Variants in EDIL3 observed in about 807,000 individuals in gnomAD.
EDIL3 encodes EGF like and discoidin domains 3.
A neutral mutation model predicts 67.4 loss-of-function variants in EDIL3; 37 were observed. The observed-to-expected ratio is 0.55, with a 90% CI of 0.42 to 0.72. The LOEUF (loss-of-function observed/expected upper bound fraction) is 0.72, where lower values mean the gene tolerates loss of function less well. EDIL3 is among the 30% of genes least tolerant of loss of function. The probability of loss-of-function intolerance (pLI) is 0.00; values close to 1 mark genes in which losing one functional copy is unlikely to be tolerated. For missense variants in EDIL3, 527 were observed against 586.3 expected (o/e 0.90, Z 1.04); for synonymous variants, 195 against 196.3 (o/e 0.99, Z 0.05).
chr5:84,274,742 TA>T lies in EDIL3; in HGVS notation c.68-20531del, dbSNP rs1745539133. 7.4e-5 allele frequency among the ~76,000 whole-genome samples: 11 copies of T among 149,438 alleles called. No homozygotes were observed. The South Asian group carries it at 2.3e-3, about 32-fold the overall frequency. On this transcript the variant is annotated intron_variant, in intron 1 of 10. Coordinates refer to ENST00000296591, the MANE Select transcript of EDIL3 (RefSeq NM_005711.5). ...CCAAAAACAGTGATAACTACACACA[TA>T]CACACACACACAGACACACACAGAC...
chr5:84,237,504 A>T (rs1035520343), intron 2 of EDIL3, among the ~76,000 whole-genome samples: 3 of 152,142 alleles, frequency 2.0e-5, no homozygotes, highest in African/African-American at 7.2e-5. Flanking sequence ...AGAATTTTGA[A>T]GTAAATGGAT....
At chr5:84,102,538 C>A (rs899582369) in intron 6 of EDIL3, among the ~76,000 whole-genome samples, 12 of 151,722 alleles carry the variant, frequency 7.9e-5, no homozygotes, top group Non-Finnish European at 1.2e-4. Flanking sequence ...AAATTACTGG[C>A]ATTCCTATAT....
intron 6 of EDIL3, among the ~76,000 whole-genome samples, chr5:84,092,801 A>G (rs1211931906): frequency 6.6e-6 from 1 of 152,138 alleles, no homozygotes. Context: ...GAGGAAAAAA[A>G]AAACAAAAAC....
intron 1 of EDIL3, among the ~76,000 whole-genome samples, chr5:84,361,666 T>C (rs1747612874): frequency 6.6e-6 from 1 of 152,012 alleles, no homozygotes; most frequent in South Asian, 2.1e-4. Flanking sequence ...CTTTTTTTTA[T>C]ACTATTATCT....
At chr5:84,241,999 T>C (rs924329935) in intron 2 of EDIL3, among the ~76,000 whole-genome samples, 1 of 147,012 alleles carries the variant, frequency 6.8e-6, no homozygotes, top group African/African-American at 2.5e-5. Context: ...GGTGGGCAGA[T>C]CACGAAGTCA....
chr5:84,143,819 A>C (rs1301148797), intron 4 of EDIL3, among the ~76,000 whole-genome samples: 1 of 152,044 alleles, frequency 6.6e-6, no homozygotes, highest in Non-Finnish European at 1.5e-5. Context: ...CAAAAGAGCA[A>C]ACCACAACAA....
At chr5:84,193,186 G>C (rs765228334) in intron 3 of EDIL3, among the ~76,000 whole-genome samples, 1 of 151,932 alleles carries the variant, frequency 6.6e-6, no homozygotes, top group East Asian at 1.9e-4. Flanking sequence ...GCTATATGGA[G>C]AATACTTTGA....
At chr5:84,039,228 A>AT (rs1746077237) in intron 9 of EDIL3, among the ~76,000 whole-genome samples, 1 of 152,152 alleles carries the variant, frequency 6.6e-6, no homozygotes, top group South Asian at 2.1e-4. Flanking sequence ...ATTTAGAGTC[A>AT]TTCAGGGGCA....
intron 9 of EDIL3, among the ~76,000 whole-genome samples, chr5:84,010,615 C>T (rs1375000959): frequency 6.6e-6 from 1 of 152,072 alleles, no homozygotes; most frequent in Non-Finnish European, 1.5e-5. Flanking sequence ...GTGCATAATA[C>T]TGTATACTGT....
chr5:84,259,692 T>C (rs190471022), intron 1 of EDIL3, among the ~76,000 whole-genome samples: 8 of 152,332 alleles, frequency 5.3e-5, no homozygotes, highest in African/African-American at 9.6e-5. Context: ...ATCAACATTG[T>C]CTTCATTCTT....
chr5:84,053,041 T>C (rs746637634), intron 9 of EDIL3, among the ~76,000 whole-genome samples: 1 of 152,122 alleles, frequency 6.6e-6, no homozygotes, highest in Non-Finnish European at 1.5e-5. Context: ...ACTCCAAAAT[T>C]GACCACACAG....
chr5:84,141,946 T>TATATATATATATAC (rs1303835679), intron 4 of EDIL3, among the ~76,000 whole-genome samples: 8 of 132,400 alleles, frequency 6.0e-5, no homozygotes, highest in African/African-American at 2.3e-4. Context: ...TATATATATA[T>TATATATATATATAC]ACATAGATCT....
chr5:83,966,391 C>T (rs970844374), intron 9 of EDIL3, among the ~76,000 whole-genome samples: 2 of 152,056 alleles, frequency 1.3e-5, no homozygotes, highest in African/African-American at 4.8e-5. Flanking sequence ...ATGAATGTCA[C>T]TATGTATCAG....
chr5:84,130,958 T>C lies in EDIL3; in HGVS notation c.469+6283A>G, dbSNP rs192599086. On this transcript the variant is annotated intron_variant, in intron 5 of 10. Transcript: ENST00000296591. ...TTTAAACTTATGTATCTGTAAAACATGGTATGTAGGCATTATACCTAACAT... is the reference window on the plus strand; with the variant it reads ...TTTAAACTTATGTATCTGTAAAACACGGTATGTAGGCATTATACCTAACAT... Among the ~76,000 whole-genome samples the C allele has an allele frequency of 5.3e-3, 809 of 152,184 alleles. 10 individuals are homozygous for C. The highest frequency in any genetic ancestry group is 0.018 in the African/African-American group (753 of 41,524).
chr5:84,176,197 TAATATATA>T (rs1383319098), intron 4 of EDIL3, among the ~76,000 whole-genome samples: 34 of 106,646 alleles, frequency 3.2e-4, no homozygotes, highest in African/African-American at 7.6e-4. Flanking sequence ...TATATATATA[TAATATATA>T]TATATATATA....
intron 5 of EDIL3, among the ~76,000 whole-genome samples, chr5:84,117,182 C>T (rs929631022): frequency 1.3e-5 from 2 of 151,874 alleles, no homozygotes; most frequent in Admixed American, 6.6e-5. Context: ...CGCCCACCAT[C>T]ACGCCCGGCT....
At chr5:84,170,097 T>A (rs1388749148) in intron 4 of EDIL3, among the ~76,000 whole-genome samples, 2 of 152,232 alleles carry the variant, frequency 1.3e-5, no homozygotes, top group Non-Finnish European at 2.9e-5. Flanking sequence ...GAGCTTCAGA[T>A]CCTCATGAAA....
chr5:84,344,297 T>C (rs1456531786), intron 1 of EDIL3, among the ~76,000 whole-genome samples: 3 of 152,176 alleles, frequency 2.0e-5, no homozygotes, highest in Non-Finnish European at 4.4e-5. Flanking sequence ...CTCACAAGCA[T>C]TTGAAAACTT....
rs1170972212 is a variant in EDIL3, at chr5:84,340,503, A to ACTCTCTCTCT, written c.67+43795_67+43804dup. 6.9e-3 allele frequency among the ~76,000 whole-genome samples: 265 copies of ACTCTCTCTCT among 38,556 alleles called. 9 individuals carry two copies. Among genetic ancestry groups the ACTCTCTCTCT allele is most frequent in the East Asian group, 0.016 (12 of 728 alleles). The allele number at this position is 38,556 out of a possible 152,430, so 25.3% of individuals were successfully genotyped here. A position where few individuals can be genotyped will look rare whatever the true frequency, so the allele number is the denominator to read the frequency against. On this transcript the variant is annotated intron_variant, in intron 1 of 10. Coordinates refer to ENST00000296591, the MANE Select transcript of EDIL3 (RefSeq NM_005711.5). The stretch of plus-strand genomic sequence containing the variant: ...CATGGAATTTCACAAAGGGAAGATT[A>ACTCTCTCTCT]CTCTCTCTCTCTCTCTCTCTCTCTC...
Sources: gnomAD v4.1 joint callset for allele counts (sites outside exome capture counted in the v4.1 genomes callset) on GRCh38, gnomAD v4.1.1 for gene constraint, MANE v1.5 for transcripts, NCBI Gene and HGNC (gene_info 2026-07-23, HGNC 2026-07-21) for gene names.